NRG3: variants seen among roughly 807,000 people sequenced by gnomAD.
NRG3 encodes the protein pro-neuregulin-3, membrane-bound isoform.
Under a neutral mutation model 66.9 loss-of-function variants are expected in NRG3, and 31 were observed. That is an observed-to-expected ratio of 0.46 (90% confidence interval 0.35 to 0.63). NRG3 has a LOEUF of 0.63. NRG3 is among the 20% of genes least tolerant of loss of function. The pLI is 0.00. For missense variants in NRG3, 910 were observed against 878.9 expected, an observed-to-expected ratio of 1.04 and a Z score of -0.45; for synonymous variants, 393 against 359.4, an observed-to-expected ratio of 1.09 and a Z score of -1.06.
At chr10:82,945,514 A>G (rs935299862) in intron 4 of NRG3, among the ~76,000 whole-genome samples, 2 of 152,232 alleles carry the variant, frequency 1.3e-5, no homozygotes, top group African/African-American at 4.8e-5. Context: ...GTCCAAAAGC[A>G]TAGCGCCAGC....
In NRG3 at chr10:82,747,409, G is replaced by T. The variant is rs79537514; in HGVS notation, c.1027+8759G>T. 4.3e-3 allele frequency among the ~76,000 whole-genome samples: 647 copies of T among 152,016 alleles called. 9 individuals carry two copies. Among genetic ancestry groups the T allele is most frequent in the African/African-American group, 0.014 (592 of 41,514 alleles). ...TCTTGAGGATAAATTCCTAGATTTTGATATATTTTGATAACTTTTCCTCCA... is the reference window on the plus strand; with the variant it reads ...TCTTGAGGATAAATTCCTAGATTTTTATATATTTTGATAACTTTTCCTCCA... On this transcript the variant is annotated intron_variant, in intron 3 of 8. Coordinates refer to ENST00000372141, the MANE Select transcript of NRG3 (RefSeq NM_001010848.4).
At chr10:82,517,546 G>C (rs996225024) in intron 2 of NRG3, among the ~76,000 whole-genome samples, 1 of 151,860 alleles carries the variant, frequency 6.6e-6, no homozygotes, top group Non-Finnish European at 1.5e-5. Flanking sequence ...CAAAATGTTA[G>C]GAAGAAATCT....
intron 1 of NRG3, among the ~76,000 whole-genome samples, chr10:82,213,450 C>T (rs2075504734): frequency 6.6e-6 from 1 of 152,020 alleles, no homozygotes. Flanking sequence ...GGATATGAAA[C>T]AAAAGTGAAT....
chr10:82,227,560 G>GTA (rs2076229523), intron 1 of NRG3, among the ~76,000 whole-genome samples: 1 of 151,986 alleles, frequency 6.6e-6, no homozygotes, highest in Non-Finnish European at 1.5e-5. Flanking sequence ...ATTTGAGGTG[G>GTA]TACACTGATG....
At chr10:82,441,789 A>T (rs186170385) in intron 2 of NRG3, among the ~76,000 whole-genome samples, 14 of 152,330 alleles carry the variant, frequency 9.2e-5, no homozygotes, top group African/African-American at 3.1e-4. Flanking sequence ...CATCATCAGA[A>T]TCACACACAG....
chr10:82,609,498 A>G (rs1261472542), intron 2 of NRG3, among the ~76,000 whole-genome samples: 1 of 152,088 alleles, frequency 6.6e-6, no homozygotes, highest in African/African-American at 2.4e-5. Context: ...CATTTTCTGT[A>G]TCAGAGTAAT....
chr10:82,026,779 A>G (rs1194255843), intron 1 of NRG3, among the ~76,000 whole-genome samples: 1 of 151,966 alleles, frequency 6.6e-6, no homozygotes, highest in African/African-American at 2.4e-5. Context: ...TTGCAAGTTC[A>G]GTGAATACTG....
At chr10:81,903,987 TATATATA>T (rs1171277643) in intron 1 of NRG3, among the ~76,000 whole-genome samples, 6 of 124,062 alleles carry the variant, frequency 4.8e-5, no homozygotes, top group Admixed American at 2.9e-4. Flanking sequence ...TATATATATA[TATATATA>T]TATTTTTTTT....
chr10:81,982,720 C>A (rs564430738), intron 1 of NRG3, among the ~76,000 whole-genome samples: 6 of 152,106 alleles, frequency 3.9e-5, no homozygotes, highest in African/African-American at 1.4e-4. Context: ...CTTCTTCTTA[C>A]AAGAACACCG....
chr10:82,764,814 A>G (rs754113260), intron 3 of NRG3, among the ~76,000 whole-genome samples: 2 of 152,196 alleles, frequency 1.3e-5, no homozygotes, highest in South Asian at 4.1e-4. Flanking sequence ...GATTAAAACT[A>G]TGAAGCTATG....
intron 3 of NRG3, among the ~76,000 whole-genome samples, chr10:82,782,938 A>G (rs1193610448): frequency 6.6e-6 from 1 of 152,208 alleles, no homozygotes; most frequent in African/African-American, 2.4e-5. Context: ...TCCTTGATGA[A>G]CATTGATGCA....
intron 1 of NRG3, among the ~76,000 whole-genome samples, chr10:82,302,231 A>G (rs191665185): frequency 6.6e-6 from 1 of 152,132 alleles, no homozygotes; most frequent in Admixed American, 6.5e-5. Flanking sequence ...TTTTACTAGC[A>G]TTACTTATGT....
At chr10:82,308,989 C>T (rs111634171) in intron 1 of NRG3, among the ~76,000 whole-genome samples, 5 of 152,182 alleles carry the variant, frequency 3.3e-5, no homozygotes, top group African/African-American at 1.2e-4. Context: ...GTTTATCTCT[C>T]CCTCAACTGT....
chr10:81,875,258 C>T lies in NRG3; in HGVS notation c.-83C>T. 1 of 900,516 alleles carries T rather than the reference C, an allele frequency of 1.1e-6. No individual in the cohort carries two copies. Among genetic ancestry groups the T allele is most frequent in the Non-Finnish European group, 1.3e-6 (1 of 755,790 alleles). The allele number at this position is 900,516 out of a possible 1,614,324, so 55.8% of individuals were successfully genotyped here. Reference sequence around the variant, plus strand: ...AGCCCGCCGCCGCCGCCGGAGCCCGCGCCCGCGCCCGCGCCCGGCCCGCGC... The same window carrying T: ...AGCCCGCCGCCGCCGCCGGAGCCCGTGCCCGCGCCCGCGCCCGGCCCGCGC... On this transcript the variant is annotated 5_prime_UTR_variant, in exon 1 of 9. Coordinates refer to ENST00000372141, the MANE Select transcript of NRG3 (RefSeq NM_001010848.4). The surrounding 1 kb of genome is among the most constrained non-coding windows in gnomAD (Gnocchi z 5.3).
At chr10:82,444,734 A>G (rs962758867) in intron 2 of NRG3, among the ~76,000 whole-genome samples, 18 of 152,202 alleles carry the variant, frequency 1.2e-4, no homozygotes, top group African/African-American at 4.3e-4. Flanking sequence ...CATTGAAACT[A>G]TATTATGAGA....
intron 2 of NRG3, among the ~76,000 whole-genome samples, chr10:82,620,270 C>T (rs1020259947): frequency 1.3e-5 from 2 of 152,152 alleles, no homozygotes; most frequent in African/African-American, 4.8e-5. Flanking sequence ...AGTGTGACAG[C>T]CTTTTTTGGG....
intron 1 of NRG3, among the ~76,000 whole-genome samples, chr10:82,157,608 G>A (rs999734252): frequency 7.9e-5 from 12 of 151,438 alleles, no homozygotes; most frequent in African/African-American, 2.2e-4. Context: ...GTCAATTCAG[G>A]GAGGTCAGGA....
At chr10:82,732,803 T>G (rs1472148640) in intron 2 of NRG3, among the ~76,000 whole-genome samples, 1 of 152,164 alleles carries the variant, frequency 6.6e-6, no homozygotes, top group Non-Finnish European at 1.5e-5. Flanking sequence ...CCACCTTGCC[T>G]CTCAAATGTA....
At chr10:82,212,662 A>G (rs1478483322) in intron 1 of NRG3, among the ~76,000 whole-genome samples, 4 of 152,204 alleles carry the variant, frequency 2.6e-5, no homozygotes, top group East Asian at 1.9e-4. Context: ...GCATGTCACT[A>G]TCTAGTCTAC....
Sources: gnomAD v4.1 joint callset for allele counts (sites outside exome capture counted in the v4.1 genomes callset) on GRCh38, gnomAD v4.1.1 for gene constraint, Gnocchi (gnomAD v3.1) non-coding constraint, MANE v1.5 for transcripts, NCBI Gene and HGNC (gene_info 2026-07-23, HGNC 2026-07-21) for gene names.